SLC38A9: variants seen among roughly 807,000 people sequenced by gnomAD.
SLC38A9 encodes solute carrier family 38 member 9, also known as neutral amino acid transporter 9.
A neutral mutation model predicts 62.3 loss-of-function variants in SLC38A9; 48 were observed. The ratio of observed to expected loss-of-function variants is 0.77; its 90% CI spans 0.61 to 0.98. The LOEUF (loss-of-function observed/expected upper bound fraction) is 0.98. SLC38A9 is among the 50% of genes least tolerant of loss of function. SLC38A9 has a pLI of 0.00. For missense variants in SLC38A9, 541 were observed against 679.8 expected, an observed-to-expected ratio of 0.80 and a Z score of 2.27; for synonymous variants, 204 against 227.7, an observed-to-expected ratio of 0.90 and a Z score of 0.94.
intron 3 of SLC38A9, among the ~76,000 whole-genome samples, chr5:55,674,181 C>A (rs1180294768): frequency 6.6e-6 from 1 of 152,154 alleles, no homozygotes; most frequent in African/African-American, 2.4e-5. Context: ...ACTATTTGTT[C>A]TCTACCGCAA....
chr5:55,693,001 G>A (rs1250264410), intron 3 of SLC38A9: 16 of 984,126 alleles, frequency 1.6e-5, no homozygotes, highest in South Asian at 1.4e-4. Flanking sequence ...AAGTATGTGC[G>A]AATGAAAATA....
intron 7 of SLC38A9, among the ~76,000 whole-genome samples, chr5:55,666,203 A>G (rs1321173092): frequency 6.6e-6 from 1 of 152,214 alleles, no homozygotes; most frequent in African/African-American, 2.4e-5. Context: ...GTATTTAGAG[A>G]TTCCTATCAT....
intron 14 of SLC38A9, among the ~76,000 whole-genome samples, chr5:55,633,234 T>C (rs528230543): frequency 2.0e-5 from 3 of 151,726 alleles, no homozygotes; most frequent in African/African-American, 7.3e-5. Flanking sequence ...CTTGAACTCC[T>C]GGGCTCAAGC....
chr5:55,701,530 C>T (rs536004606), intron 2 of SLC38A9, among the ~76,000 whole-genome samples: 2 of 152,252 alleles, frequency 1.3e-5, no homozygotes, highest in East Asian at 3.9e-4. Flanking sequence ...CCATTTCTTA[C>T]CAAGATTACC....
chr5:55,677,989 C>T (rs1752408006), intron 3 of SLC38A9, among the ~76,000 whole-genome samples: 1 of 111,688 alleles, frequency 9.0e-6, no homozygotes, highest in South Asian at 3.1e-4. Context: ...AGGGTAGTGG[C>T]TGGAACAATT....
intron 2 of SLC38A9, among the ~76,000 whole-genome samples, chr5:55,703,577 G>A (rs1168714424): frequency 6.6e-6 from 1 of 152,120 alleles, no homozygotes; most frequent in African/African-American, 2.4e-5. Flanking sequence ...ACTCATTACT[G>A]TTAATTTCAT....
intron 3 of SLC38A9, among the ~76,000 whole-genome samples, chr5:55,677,825 G>A (rs1752331356): frequency 6.6e-6 from 1 of 151,606 alleles, no homozygotes. Flanking sequence ...CAACATGCCT[G>A]CCCAAGAATT....
At chr5:55,649,999 T>A (rs532670349) in intron 10 of SLC38A9, among the ~76,000 whole-genome samples, 3 of 152,292 alleles carry the variant, frequency 2.0e-5, no homozygotes, top group African/African-American at 7.2e-5. Context: ...AAACTTACTT[T>A]TATTCTTTGA....
chr5:55,635,545 T>C lies in SLC38A9; in HGVS notation c.1280A>G (p.Gln427Arg), dbSNP rs745972355. Reference sequence around the variant, plus strand: ...CAGAGAGGGTACACGGTGCCTTACCTGCTCAATACAATCTTTGGATAATGG... The same window carrying C: ...CAGAGAGGGTACACGGTGCCTTACCCGCTCAATACAATCTTTGGATAATGG... Reference protein sequence around the residue: ...SPPLSKDCIEQNFLDNFPSSD... With the variant: ...SPPLSKDCIERNFLDNFPSSD... The change falls in exon 13 of 16, where the codon CAG (glutamine) becomes CGG (arginine). Residue 427 changes from glutamine (Q) to arginine (R), a missense_variant and splice_region_variant. By Grantham distance (43) the Gln-to-Arg change is conservative. Transcript: ENST00000396865. The C allele has an allele frequency of 6.2e-7, 1 of 1,605,918 alleles. No homozygotes were observed. The highest frequency in any genetic ancestry group is 8.5e-7 in the Non-Finnish European group (1 of 1,172,626).
At chr5:55,649,131 T>A (rs537949856) in intron 11 of SLC38A9, 76 bp downstream of exon 11, 17 of 706,520 alleles carry the variant, frequency 2.4e-5, no homozygotes, top group Admixed American at 1.5e-4. Context: ...AAAAAAATCA[T>A]TACTTGTTTT....
At chr5:55,634,011 G>A in intron 13 of SLC38A9, 109 bp from the exon 14 acceptor site, 1 of 798,652 alleles carries the variant, frequency 1.3e-6, no homozygotes. Flanking sequence ...CTCCGATTGT[G>A]GTTTGTGGAC....
chr5:55,698,046 T>C lies in SLC38A9; in HGVS notation c.-34-54A>G, dbSNP rs539387022. The C allele has an allele frequency of 3.2e-5, 21 of 665,936 alleles. No homozygotes were observed. The African/African-American group carries it at 3.6e-4, about 11-fold the overall frequency. The allele number at this position is 665,936 out of a possible 1,614,324, so 41.3% of individuals were successfully genotyped here. On this transcript the variant is annotated intron_variant, in intron 2 of 15. Coordinates refer to ENST00000396865, the MANE Select transcript of SLC38A9 (RefSeq NM_173514.4). ...TAATTTTAAAATATTTTATTATCCATCACTAATAAATATTCATGAATAACA... is the reference window on the plus strand; with the variant it reads ...TAATTTTAAAATATTTTATTATCCACCACTAATAAATATTCATGAATAACA...
At chr5:55,651,696 C>G (rs6890767) in intron 10 of SLC38A9, among the ~76,000 whole-genome samples, 1 of 151,894 alleles carries the variant, frequency 6.6e-6, no homozygotes, top group African/African-American at 2.4e-5. Context: ...AATAAACCTA[C>G]GAAGCCTGAG....
chr5:55,636,762 A>G (rs1048345369), intron 12 of SLC38A9, among the ~76,000 whole-genome samples: 3 of 152,230 alleles, frequency 2.0e-5, no homozygotes, highest in Non-Finnish European at 4.4e-5. Context: ...TAAATTGACA[A>G]TCAGCTTGAA....
chr5:55,664,685 A>G lies in SLC38A9; in HGVS notation c.697+8T>C. ...ACTGTGTTAAAAGCATATGATATAG[A>G]TACTTACTAAAAATAAACTTTCCAG... On this transcript the variant is annotated splice_region_variant and intron_variant, in intron 8 of 15. Transcript: ENST00000396865. 1 of 1,454,704 alleles carries G rather than the reference A, an allele frequency of 6.9e-7. No homozygotes were observed. Among genetic ancestry groups the G allele is most frequent in the African/African-American group, 1.4e-5 (1 of 69,188 alleles). 90.1% of individuals were successfully genotyped at this position (1,454,704 alleles called of 1,614,324 possible).
intron 14 of SLC38A9, among the ~76,000 whole-genome samples, chr5:55,630,586 G>A (rs886879692): frequency 6.6e-6 from 1 of 152,092 alleles, no homozygotes; most frequent in African/African-American, 2.4e-5. Flanking sequence ...AAAGTGCTGG[G>A]ATTACAGGTG....
At chr5:55,711,726 C>T (rs1426901029) in intron 1 of SLC38A9, among the ~76,000 whole-genome samples, 3 of 152,168 alleles carry the variant, frequency 2.0e-5, no homozygotes, top group Non-Finnish European at 4.4e-5. Context: ...ATGTCCCCAA[C>T]TCGGGATGGA....
intron 9 of SLC38A9, among the ~76,000 whole-genome samples, chr5:55,653,603 A>G (rs1411817659): frequency 6.6e-6 from 1 of 152,210 alleles, no homozygotes; most frequent in Non-Finnish European, 1.5e-5. Flanking sequence ...ATCATATTTG[A>G]TAGAAGCCTA....
chr5:55,670,457 T>C (rs1341469916), intron 4 of SLC38A9, among the ~76,000 whole-genome samples: 1 of 152,152 alleles, frequency 6.6e-6, no homozygotes, highest in African/African-American at 2.4e-5. Context: ...ATTTAAAAAT[T>C]ATTTTTCAAA....
Sources: allele counts gnomAD v4.1 joint callset (sites outside exome capture counted in the v4.1 genomes callset), GRCh38; gene constraint gnomAD v4.1.1; transcripts MANE v1.5; gene names NCBI Gene and HGNC (gene_info 2026-07-23, HGNC 2026-07-21).